The following PARD3B variants were observed in gnomAD, a reference collection of about 807,000 sequenced individuals.
The protein encoded by PARD3B is partitioning defective 3 homolog B.
In PARD3B, 103 loss-of-function variants were observed where a neutral mutation model predicts 130.2. The ratio of observed to expected loss-of-function variants is 0.79; its 90% CI spans 0.67 to 0.93. PARD3B has a LOEUF of 0.93. PARD3B is among the 40% of genes least tolerant of loss of function. The pLI is 0.00. For missense variants in PARD3B, 1,609 were observed against 1,499.2 expected, an observed-to-expected ratio of 1.07 and a Z score of -1.21; for synonymous variants, 583 against 553.2, an observed-to-expected ratio of 1.05 and a Z score of -0.76.
chr2:204,715,249 G>T (rs1230042360), intron 2 of PARD3B, among the ~76,000 whole-genome samples: 1 of 152,132 alleles, frequency 6.6e-6, no homozygotes, highest in Non-Finnish European at 1.5e-5. Context: ...TGGGATCCCT[G>T]TGCCTAATGA....
chr2:204,575,373 CAA>C (rs2032205398), intron 1 of PARD3B, among the ~76,000 whole-genome samples: 1 of 152,158 alleles, frequency 6.6e-6, no homozygotes, highest in Non-Finnish European at 1.5e-5. Flanking sequence ...CATGAAAACT[CAA>C]GTTATAAAGA....
intron 22 of PARD3B, among the ~76,000 whole-genome samples, chr2:205,566,507 G>C (rs1275586408): frequency 6.6e-6 from 1 of 152,178 alleles, no homozygotes; most frequent in Non-Finnish European, 1.5e-5. Context: ...ACAGCAGCAT[G>C]GGTGCTGGTC....
At chr2:205,232,149 T>C (rs963979191) in intron 15 of PARD3B, among the ~76,000 whole-genome samples, 3 of 152,302 alleles carry the variant, frequency 2.0e-5, no homozygotes, top group South Asian at 2.1e-4. Flanking sequence ...CCAATGACAT[T>C]TTAAAAAATT....
chr2:204,603,529 GA>G (rs1194850464), intron 1 of PARD3B, among the ~76,000 whole-genome samples: 1 of 151,998 alleles, frequency 6.6e-6, no homozygotes, highest in Non-Finnish European at 1.5e-5. Flanking sequence ...TGAAAACATT[GA>G]AAACATTCTA....
intron 16 of PARD3B, among the ~76,000 whole-genome samples, chr2:205,271,473 C>T (rs2040721439): frequency 6.6e-6 from 1 of 152,092 alleles, no homozygotes; most frequent in African/African-American, 2.4e-5. Context: ...AGTAAATATG[C>T]CATACATATA....
rs1241651233 is a variant in PARD3B at position 205,563,379 on chromosome 2, G to GA, written c.3260+9983dup. ...GTCATATGATGCTCCTTTAATAAAAGAAAAAAATGTATCCTTGAAGTCACA... is the reference window on the plus strand; with the variant it reads ...GTCATATGATGCTCCTTTAATAAAAGAAAAAAAATGTATCCTTGAAGTCACA... On this transcript the variant is annotated intron_variant, in intron 22 of 22. Transcript: ENST00000406610. This position sits in a 1 kb window ranked among gnomAD's most constrained non-coding sequence, Gnocchi z 4.2. Among the ~76,000 whole-genome samples the GA allele has an allele frequency of 2.6e-5, 4 of 151,950 alleles. No homozygotes were observed. Among genetic ancestry groups the GA allele is most frequent in the African/African-American group, 7.3e-5 (3 of 41,366 alleles).
intron 2 of PARD3B, among the ~76,000 whole-genome samples, chr2:204,898,137 GAACA>G (rs1193668049): frequency 6.6e-6 from 1 of 150,782 alleles, no homozygotes; most frequent in Non-Finnish European, 1.5e-5. Context: ...AAACATAAAT[GAACA>G]AACAACAATG....
chr2:205,463,438 TAAAAA>T lies in PARD3B; in HGVS notation c.3044+22783_3044+22787del, dbSNP rs35556760. Reference sequence around the variant, plus strand: ...AACATTTCACTGCACATTAATTCTTTAAAAAAAAAAAAAAAAAAAAACCTGTCATT... The same window carrying T: ...AACATTTCACTGCACATTAATTCTTTAAAAAAAAAAAAAAAACCTGTCATT... On this transcript the variant is annotated intron_variant, in intron 20 of 22. Transcript: ENST00000406610. The surrounding 1 kb of genome is among the most constrained non-coding windows in gnomAD (Gnocchi z 4.8). 2.2e-3 allele frequency among the ~76,000 whole-genome samples: 266 copies of T among 121,576 alleles called. 1 individual carries two copies. The highest frequency in any genetic ancestry group is 4.5e-3 in the African/African-American group (156 of 34,822). The allele number at this position is 121,576 out of a possible 152,430, so 79.8% of individuals were successfully genotyped here.
chr2:205,464,996 G>C (rs1000179866), intron 20 of PARD3B, among the ~76,000 whole-genome samples: 1 of 152,142 alleles, frequency 6.6e-6, no homozygotes, highest in Non-Finnish European at 1.5e-5. Context: ...TGTACTGCAC[G>C]ATAACAATGA....
intron 2 of PARD3B, among the ~76,000 whole-genome samples, chr2:204,816,632 T>C (rs901304144): frequency 6.6e-6 from 1 of 151,860 alleles, no homozygotes; most frequent in Non-Finnish European, 1.5e-5. Flanking sequence ...TTTGTTCCTC[T>C]GCAAAAAAAT....
At chr2:204,583,585 C>A (rs2032681681) in intron 1 of PARD3B, among the ~76,000 whole-genome samples, 1 of 131,074 alleles carries the variant, frequency 7.6e-6, no homozygotes, top group Non-Finnish European at 1.6e-5. Context: ...TGTAACTAAC[C>A]TGCACAATGT....
chr2:204,647,726 A>G (rs1021293456), intron 1 of PARD3B, among the ~76,000 whole-genome samples: 1 of 151,794 alleles, frequency 6.6e-6, no homozygotes, highest in Non-Finnish European at 1.5e-5. Context: ...TGCAATGGGT[A>G]ATTAAATTCC....
chr2:205,050,214 AATT>A (rs1699097556), intron 4 of PARD3B, among the ~76,000 whole-genome samples: 1 of 148,742 alleles, frequency 6.7e-6, no homozygotes, highest in Non-Finnish European at 1.5e-5. Flanking sequence ...TAATAATACT[AATT>A]AATAATAATT....
Position 205,292,809 on chromosome 2 carries a change from G to A in PARD3B, c.2186-7721G>A, listed in dbSNP as rs1441528713. On this transcript the variant is annotated intron_variant, in intron 16 of 22. Coordinates refer to ENST00000406610, the MANE Select transcript of PARD3B (RefSeq NM_001302769.2). This position sits in a 1 kb window ranked among gnomAD's most constrained non-coding sequence, Gnocchi z 5.3. The stretch of plus-strand genomic sequence containing the variant: ...GGAAAAAAATTTAGTGAACTGTAAA[G>A]CCACAGAAAATGTTAGTTATAGTCA... Among the ~76,000 whole-genome samples, 6 of 152,132 alleles carry A rather than the reference G, an allele frequency of 3.9e-5. No homozygotes were observed. The highest frequency in any genetic ancestry group is 1.4e-4 in the African/African-American group (6 of 41,408).
intron 21 of PARD3B, among the ~76,000 whole-genome samples, chr2:205,534,029 A>C (rs2051723438): frequency 6.8e-6 from 1 of 147,794 alleles, no homozygotes; most frequent in Admixed American, 6.9e-5. Context: ...GAGAAGGAAA[A>C]GAGATAAAAG....
At chr2:204,587,492 T>C (rs1430326234) in intron 1 of PARD3B, among the ~76,000 whole-genome samples, 1 of 152,230 alleles carries the variant, frequency 6.6e-6, no homozygotes, top group African/African-American at 2.4e-5. Context: ...TATGAAGATA[T>C]TTGCATTGCT....
chr2:205,591,193 G>GA lies in PARD3B; in HGVS notation c.3261-24262dup, dbSNP rs1198203474. On this transcript the variant is annotated intron_variant, in intron 22 of 22. Transcript: ENST00000406610. The surrounding 1 kb of genome is among the most constrained non-coding windows in gnomAD (Gnocchi z 4.2). ...GACATCTAGAATATAACTAGGACAA[G>GA]ACAAAAAACTGTTTAGAGAGAGTGT... 1.2e-5 allele frequency among the ~76,000 whole-genome samples: 1 copy of GA among 84,768 alleles called. No individual in the cohort carries two copies. The highest frequency in any genetic ancestry group is 2.3e-5 in the Non-Finnish European group (1 of 42,586). The allele number at this position is 84,768 out of a possible 152,430, so 55.6% of individuals were successfully genotyped here.
At chr2:204,968,387 T>C (rs1575441905) in intron 3 of PARD3B, among the ~76,000 whole-genome samples, 1 of 152,342 alleles carries the variant, frequency 6.6e-6, no homozygotes. Context: ...ACCTTCTCCA[T>C]GTAATGCATA....
At chr2:205,339,736 G>A (rs1415630002) in intron 18 of PARD3B, among the ~76,000 whole-genome samples, 1 of 152,122 alleles carries the variant, frequency 6.6e-6, no homozygotes. Context: ...TCAGTTACGG[G>A]CGCTATAAGT....
Sources: gnomAD v4.1 joint callset for allele counts (sites outside exome capture counted in the v4.1 genomes callset) on GRCh38, gnomAD v4.1.1 for gene constraint, Gnocchi (gnomAD v3.1) non-coding constraint, MANE v1.5 for transcripts, NCBI Gene and HGNC (gene_info 2026-07-23, HGNC 2026-07-21) for gene names.